The following ALKAL1 variants were observed in gnomAD, a reference collection of about 807,000 sequenced individuals.
ALKAL1 encodes the protein AUG-beta.
A neutral mutation model predicts 13.5 loss-of-function variants in ALKAL1; 23 were observed. That is an observed-to-expected ratio of 1.70 (90% CI 1.23 to 2.41). ALKAL1 has a LOEUF of 2.41. ALKAL1 is among the 30% of genes most tolerant of loss of function. The probability of loss-of-function intolerance (pLI) is 0.00; values close to 1 mark genes in which losing one functional copy is unlikely to be tolerated. For missense variants in ALKAL1, 181 were observed against 178.4 expected (o/e 1.01, Z -0.08); for synonymous variants, 85 against 77.7 (o/e 1.09, Z -0.49).
intron 1 of ALKAL1, among the ~76,000 whole-genome samples, chr8:52,556,391 T>C (rs1435154123): frequency 6.6e-6 from 1 of 152,076 alleles, no homozygotes. Flanking sequence ...CTCACGCCTG[T>C]AATCCCAGCA....
At chr8:52,564,970 T>C in intron 1 of ALKAL1, 97 bp downstream of exon 1, 4 of 1,014,982 alleles carry the variant, frequency 3.9e-6, no homozygotes, top group Non-Finnish European at 5.2e-6. Flanking sequence ...TGTACTAATC[T>C]CAGGCTTCCC....
intron 1 of ALKAL1, among the ~76,000 whole-genome samples, chr8:52,561,804 CACA>C (rs1299757441): frequency 2.0e-5 from 3 of 152,114 alleles, no homozygotes; most frequent in African/African-American, 7.2e-5. Context: ...CAACAGCAAG[CACA>C]ACAACACAAA....
rs180958816 is a variant in ALKAL1, at chr8:52,536,476, T to C, written c.*13-1876A>G. Among the ~76,000 whole-genome samples, 3 of 152,374 alleles carry C rather than the reference T, an allele frequency of 2.0e-5. No homozygotes were observed. The East Asian group carries it at 5.8e-4, about 29-fold the overall frequency. ...TTCAATTTATTTAGGATCGTACAAA[T>C]ACTCTATTGCCCAAGGGCTCCTACG... On this transcript the variant is annotated intron_variant, in intron 4 of 4. Coordinates refer to ENST00000358543, the MANE Select transcript of ALKAL1 (RefSeq NM_207413.4).
At chr8:52,555,604 T>G (rs568881952) in intron 1 of ALKAL1, among the ~76,000 whole-genome samples, 5 of 152,182 alleles carry the variant, frequency 3.3e-5, no homozygotes, top group Non-Finnish European at 7.4e-5. Context: ...CCACCTCCTC[T>G]ACTGGGCTTT....
intron 1 of ALKAL1, among the ~76,000 whole-genome samples, chr8:52,562,861 T>G (rs1248966104): frequency 6.6e-6 from 1 of 150,736 alleles, no homozygotes; most frequent in East Asian, 1.9e-4. Flanking sequence ...CCCTGCCACC[T>G]GCTGAGTGCA....
intron 4 of ALKAL1, among the ~76,000 whole-genome samples, chr8:52,534,987 C>T (rs1458300970): frequency 2.0e-5 from 3 of 152,258 alleles, no homozygotes; most frequent in Non-Finnish European, 4.4e-5. Context: ...CACTAAGTCT[C>T]TAAAATCTAT....
chr8:52,549,266 C>G (rs1847404228), intron 1 of ALKAL1, among the ~76,000 whole-genome samples: 2 of 151,962 alleles, frequency 1.3e-5, no homozygotes, highest in Non-Finnish European at 2.9e-5. Context: ...TAAATCTAAT[C>G]ATTGTATAAC....
chr8:52,563,387 C>T (rs1348481449), intron 1 of ALKAL1, among the ~76,000 whole-genome samples: 3 of 152,246 alleles, frequency 2.0e-5, no homozygotes, highest in Admixed American at 1.3e-4. Context: ...GCCGAGATCA[C>T]GCCACTGCAC....
chr8:52,557,192 G>A (rs1847493428), intron 1 of ALKAL1, among the ~76,000 whole-genome samples: 1 of 152,112 alleles, frequency 6.6e-6, no homozygotes, highest in South Asian at 2.1e-4. Flanking sequence ...ATCTTTTCAG[G>A]TTCACCATGG....
intron 1 of ALKAL1, among the ~76,000 whole-genome samples, chr8:52,548,864 G>T (rs1590867633): frequency 1.3e-5 from 2 of 151,944 alleles, no homozygotes; most frequent in East Asian, 3.9e-4. Flanking sequence ...ATCTTTTAAA[G>T]AAATAGATGT....
At chr8:52,555,464 G>T (rs1847473422) in intron 1 of ALKAL1, among the ~76,000 whole-genome samples, 2 of 152,268 alleles carry the variant, frequency 1.3e-5, no homozygotes, top group South Asian at 4.1e-4. Context: ...GAAGGAAACG[G>T]TCAAGATTGA....
intron 1 of ALKAL1, among the ~76,000 whole-genome samples, chr8:52,542,928 C>T: frequency 6.6e-6 from 1 of 152,238 alleles, no homozygotes; most frequent in Non-Finnish European, 1.5e-5. Flanking sequence ...TGGCCCAAGC[C>T]ATCGTCCTTT....
intron 1 of ALKAL1, among the ~76,000 whole-genome samples, chr8:52,564,212 C>A (rs1337232931): frequency 6.6e-6 from 1 of 152,212 alleles, no homozygotes; most frequent in African/African-American, 2.4e-5. Context: ...TCTGTCCCAG[C>A]CTCGCCGGCA....
chr8:52,561,348 C>T (rs747638994), intron 1 of ALKAL1, among the ~76,000 whole-genome samples: 1 of 151,962 alleles, frequency 6.6e-6, no homozygotes, highest in Admixed American at 6.6e-5. Flanking sequence ...TGGTTTAAGA[C>T]GCATCTGAAC....
chr8:52,545,150 C>A (rs1847356926), intron 1 of ALKAL1, among the ~76,000 whole-genome samples: 1 of 152,108 alleles, frequency 6.6e-6, no homozygotes, highest in Non-Finnish European at 1.5e-5. Context: ...CTCAGGACCC[C>A]AAAATCACTA....
intron 1 of ALKAL1, among the ~76,000 whole-genome samples, chr8:52,555,043 C>T (rs1444459802): frequency 6.6e-6 from 1 of 152,020 alleles, no homozygotes; most frequent in Admixed American, 6.5e-5. Flanking sequence ...TGGTGGCGGG[C>T]GCCTGTAGTC....
chr8:52,563,632 T>C (rs1001594256), intron 1 of ALKAL1, among the ~76,000 whole-genome samples: 1 of 152,208 alleles, frequency 6.6e-6, no homozygotes, highest in African/African-American at 2.4e-5. Context: ...AGATAAATAT[T>C]TTAGGCTAAC....
chr8:52,557,930 C>A (rs1346356666), intron 1 of ALKAL1, among the ~76,000 whole-genome samples: 3 of 147,784 alleles, frequency 2.0e-5, no homozygotes, highest in Non-Finnish European at 4.5e-5. Context: ...TGAACCACTG[C>A]ACTCCAGCCT....
Position 52,538,492 on chromosome 8 carries a change from G to T in ALKAL1, c.341C>A (p.Ala114Asp). 1 of 1,608,712 alleles carries T rather than the reference G, an allele frequency of 6.2e-7. No homozygotes were observed. Among genetic ancestry groups the T allele is most frequent in the Non-Finnish European group, 8.5e-7 (1 of 1,175,994 alleles). ...CACTGCTAATCTTGTTAACAATCTAGCACATCTTTTGTAATCTAGGAAAAA... is the reference window on the plus strand; with the variant it reads ...CACTGCTAATCTTGTTAACAATCTATCACATCTTTTGTAATCTAGGAAAAA... ...CSTPAYYKRC[A>D]RLLTRLAVSP... Residue 114 changes from alanine to aspartate, a missense_variant, in exon 4 of 5, where the codon GCT becomes GAT. Transcript: ENST00000358543.
Sources: gnomAD v4.1 joint callset for allele counts (sites outside exome capture counted in the v4.1 genomes callset) on GRCh38, gnomAD v4.1.1 for gene constraint, MANE v1.5 for transcripts, NCBI Gene and HGNC (gene_info 2026-07-23, HGNC 2026-07-21) for gene names.